The following PPP3CB variants were observed in gnomAD, a reference collection of about 807,000 sequenced individuals.
PPP3CB encodes the protein protein phosphatase 3 catalytic subunit beta.
PPP3CB carries 8 observed loss-of-function variants against 66.4 expected under a neutral mutation model. That is an observed-to-expected ratio of 0.12 (90% CI 0.07 to 0.22). The LOEUF (loss-of-function observed/expected upper bound fraction) is 0.22, where lower values mean the gene tolerates loss of function less well. PPP3CB is among the 10% of genes least tolerant of loss of function. PPP3CB has a pLI of 1.00. For missense variants in PPP3CB, 319 were observed against 642.5 expected, an observed-to-expected ratio of 0.50 and a Z score of 5.44; for synonymous variants, 208 against 221.2, an observed-to-expected ratio of 0.94 and a Z score of 0.53.
intron 8 of PPP3CB, among the ~76,000 whole-genome samples, chr10:73,469,977 T>C (rs1402964389): frequency 6.6e-6 from 1 of 152,206 alleles, no homozygotes; most frequent in African/African-American, 2.4e-5. Context: ...TCATCTTCAA[T>C]GTCCTTGGCA....
chr10:73,481,086 T>C (rs2056868061), intron 1 of PPP3CB, among the ~76,000 whole-genome samples: 1 of 151,910 alleles, frequency 6.6e-6, no homozygotes, highest in African/African-American at 2.4e-5. Context: ...ATAAAGAAAG[T>C]GAGAGAGAAA....
At chr10:73,473,243 C>T (rs1165590522) in intron 4 of PPP3CB, among the ~76,000 whole-genome samples, 1 of 152,192 alleles carries the variant, frequency 6.6e-6, no homozygotes, top group Non-Finnish European at 1.5e-5. Context: ...CCTGTTGCTG[C>T]AAGTCTCTAC....
At chr10:73,460,103 G>A (rs1246907723) in intron 9 of PPP3CB, among the ~76,000 whole-genome samples, 2 of 152,046 alleles carry the variant, frequency 1.3e-5, no homozygotes, top group East Asian at 3.8e-4. Flanking sequence ...CAGGAAATGA[G>A]GCTGAAGAGA....
At position 73,476,006 on chromosome 10, in the gene PPP3CB, G is replaced by T. The variant is rs117029148; in HGVS notation, c.412-976C>A. ...TGAGCAGCTGGGACTACAGGCACAT[G>T]CCACCAGGCCCAGCTAAGTTTTTTT... On this transcript the variant is annotated intron_variant, in intron 3 of 13. Coordinates refer to ENST00000360663, the MANE Select transcript of PPP3CB (RefSeq NM_021132.4). Among the ~76,000 whole-genome samples the T allele has an allele frequency of 6.1e-4, 92 of 151,382 alleles. No individual in the cohort carries two copies. The East Asian group carries it at 0.018, about 29-fold the overall frequency.
chr10:73,467,509 G>A, intron 9 of PPP3CB, 44 bp downstream of exon 9: 1 of 1,385,086 alleles, frequency 7.2e-7, no homozygotes, highest in South Asian at 1.5e-5. Context: ...TGGAGTAAAT[G>A]TAACAGTAAT....
intron 10 of PPP3CB, among the ~76,000 whole-genome samples, chr10:73,451,845 A>G (rs948760328): frequency 1.0e-4 from 15 of 147,638 alleles, no homozygotes; most frequent in African/African-American, 3.3e-4. Flanking sequence ...TCCTGGGTTC[A>G]CTGTATTCTC....
In PPP3CB at chr10:73,467,549, A is replaced by G. The variant is rs371392053; in HGVS notation, c.1108+4T>C. 6.6e-7 allele frequency: 1 copy of G among 1,509,866 alleles called. No homozygotes were observed. Among genetic ancestry groups the G allele is most frequent in the Admixed American group, 2.5e-5 (1 of 40,148 alleles). The allele number at this position is 1,509,866 out of a possible 1,614,324, so 93.5% of individuals were successfully genotyped here. A position where few individuals can be genotyped will look rare whatever the true frequency, so the allele number is the denominator to read the frequency against. ...CAAATTTTTTTTAAAAATAAAAATT[A>G]TACCTTTTTCTCCAACAAACGGTAA... On this transcript the variant is annotated splice_donor_region_variant and intron_variant, in intron 9 of 13. Coordinates refer to ENST00000360663, the MANE Select transcript of PPP3CB (RefSeq NM_021132.4).
At position 73,437,237 on chromosome 10, in the gene PPP3CB, T is replaced by C. The variant is rs2056084042; in HGVS notation, c.*1005A>G. The C allele has an allele frequency of 6.6e-6, 1 of 152,660 alleles. No individual in the cohort carries two copies. The highest frequency in any genetic ancestry group is 6.5e-5 in the Admixed American group (1 of 15,290). 9.5% of individuals were successfully genotyped at this position (152,660 alleles called of 1,614,324 possible). A position where few individuals can be genotyped will look rare whatever the true frequency, so the allele number is the denominator to read the frequency against. Reference sequence around the variant, plus strand: ...CTTCCAGAACATTTTAAAATTTCCTTTGCATTAAAACATAAAAATGATAGA... The same window carrying C: ...CTTCCAGAACATTTTAAAATTTCCTCTGCATTAAAACATAAAAATGATAGA... On this transcript the variant is annotated 3_prime_UTR_variant, in exon 14 of 14. Transcript: ENST00000360663.
chr10:73,494,118 C>T (rs1168081234), intron 1 of PPP3CB, among the ~76,000 whole-genome samples: 1 of 152,044 alleles, frequency 6.6e-6, no homozygotes, highest in South Asian at 2.1e-4. Context: ...CCCACCCCCA[C>T]AAAACTCCAG....
intron 1 of PPP3CB, among the ~76,000 whole-genome samples, chr10:73,486,590 C>A (rs1477921630): frequency 1.3e-5 from 2 of 152,228 alleles, no homozygotes; most frequent in Non-Finnish European, 2.9e-5. Context: ...CAGGCGTGAG[C>A]CACCGCGCTT....
At chr10:73,491,008 T>C (rs1273693141) in intron 1 of PPP3CB, among the ~76,000 whole-genome samples, 2 of 148,808 alleles carry the variant, frequency 1.3e-5, no homozygotes, top group Admixed American at 1.3e-4. Context: ...AATTTTTGTT[T>C]GTTTGTTTTT....
intron 9 of PPP3CB, among the ~76,000 whole-genome samples, chr10:73,461,979 A>G (rs1185379515): frequency 6.6e-6 from 1 of 151,870 alleles, no homozygotes; most frequent in Non-Finnish European, 1.5e-5. Context: ...AGTATCTGGC[A>G]TCTTCCCCCT....
intron 9 of PPP3CB, among the ~76,000 whole-genome samples, chr10:73,465,957 C>A (rs955949070): frequency 6.6e-6 from 1 of 152,220 alleles, no homozygotes; most frequent in East Asian, 1.9e-4. Context: ...TAAAGAAAAA[C>A]AACAAAAATG....
chr10:73,493,306 A>G (rs895098935), intron 1 of PPP3CB, among the ~76,000 whole-genome samples: 31 of 151,894 alleles, frequency 2.0e-4, no homozygotes, highest in Non-Finnish European at 3.4e-4. Flanking sequence ...AGGGAGAAAA[A>G]GACTACTTGC....
intron 4 of PPP3CB, among the ~76,000 whole-genome samples, chr10:73,473,699 G>A (rs1282597300): frequency 3.3e-5 from 5 of 152,002 alleles, no homozygotes; most frequent in African/African-American, 1.2e-4. Context: ...AAGGTTTGAG[G>A]TGTGAAAAAG....
chr10:73,470,611 C>T, intron 8 of PPP3CB, 76 bp downstream of exon 8: 1 of 832,720 alleles, frequency 1.2e-6, no homozygotes, highest in South Asian at 2.3e-5. Flanking sequence ...AAACAACACC[C>T]CTTTTTTATT....
chr10:73,471,417 A>T, intron 5 of PPP3CB, 51 bp downstream of exon 5: 1 of 1,534,602 alleles, frequency 6.5e-7, no homozygotes, highest in Non-Finnish European at 8.8e-7. Context: ...TGCTCTACTC[A>T]ACAATGTACT....
At chr10:73,478,931 G>A (rs183389631) in intron 2 of PPP3CB, among the ~76,000 whole-genome samples, 371 of 152,292 alleles carry the variant, frequency 2.4e-3, no homozygotes, top group African/African-American at 8.5e-3. Context: ...AAATTACAAT[G>A]GTGGCAGTTA....
intron 5 of PPP3CB, 110 bp from the exon 6 acceptor site, chr10:73,471,319 G>A: frequency 7.4e-7 from 1 of 1,342,414 alleles, no homozygotes. Flanking sequence ...ATATTATTGT[G>A]AATAAACAGA....
Sources: allele counts gnomAD v4.1 joint callset (sites outside exome capture counted in the v4.1 genomes callset), GRCh38; gene constraint gnomAD v4.1.1; transcripts MANE v1.5; gene names NCBI Gene and HGNC (gene_info 2026-07-23, HGNC 2026-07-21).